Variants in PDE8B observed in about 807,000 individuals in gnomAD.
The protein encoded by PDE8B is high affinity cAMP-specific and IBMX-insensitive 3',5'-cyclic phosphodiesterase 8B.
PDE8B carries 26 observed loss-of-function variants against 101.3 expected under a neutral mutation model. That is an observed-to-expected ratio of 0.26 (90% confidence interval 0.19 to 0.36). PDE8B has a LOEUF of 0.36. Among genes scored for constraint, PDE8B ranks in the 10% least tolerant of loss-of-function variants. The pLI is 1.00. For missense variants in PDE8B, 810 were observed against 1,163.1 expected (o/e 0.70, Z 4.42); for synonymous variants, 424 against 429.3 (o/e 0.99, Z 0.15).
intron 10 of PDE8B, among the ~76,000 whole-genome samples, chr5:77,376,036 G>T (rs1031184500): frequency 6.6e-6 from 1 of 151,916 alleles, no homozygotes; most frequent in African/African-American, 2.4e-5. Context: ...GGGATTACAG[G>T]CATGTGCCAC....
chr5:77,395,331 G>A (rs1228933644), intron 10 of PDE8B, among the ~76,000 whole-genome samples: 1 of 151,150 alleles, frequency 6.6e-6, no homozygotes, highest in African/African-American at 2.4e-5. Flanking sequence ...TAGCCAGGAT[G>A]GTCTCAATCT....
intron 6 of PDE8B, among the ~76,000 whole-genome samples, chr5:77,338,119 A>G (rs1253031888): frequency 6.6e-6 from 1 of 152,228 alleles, no homozygotes; most frequent in Non-Finnish European, 1.5e-5. Context: ...ATGCCAGAAA[A>G]TTCTGTAGCA....
chr5:77,152,931 C>A, the PDE8B span, among the ~76,000 whole-genome samples: 1 of 152,200 alleles, frequency 6.6e-6, no homozygotes, highest in Non-Finnish European at 1.5e-5. Flanking sequence ...AGTGCCTACA[C>A]GTCTGAGTCC....
At chr5:77,398,862 T>G (rs569768157) in intron 10 of PDE8B, among the ~76,000 whole-genome samples, 1 of 152,302 alleles carries the variant, frequency 6.6e-6, no homozygotes, top group South Asian at 2.1e-4. Context: ...TTTCCTCCAT[T>G]TTTTGGTCTC....
At chr5:77,263,235 G>A (rs745326732) in intron 1 of PDE8B, among the ~76,000 whole-genome samples, 1 of 152,320 alleles carries the variant, frequency 6.6e-6, no homozygotes, top group Admixed American at 6.5e-5. Flanking sequence ...ATTTTTGTAA[G>A]AGAATAGGAA....
chr5:77,302,515 C>T (rs922189674), intron 1 of PDE8B, among the ~76,000 whole-genome samples: 1 of 152,174 alleles, frequency 6.6e-6, no homozygotes, highest in Non-Finnish European at 1.5e-5. Flanking sequence ...GCAGCGGGAG[C>T]GGGTGCCTTG....
the PDE8B span, among the ~76,000 whole-genome samples, chr5:77,197,419 G>A: frequency 6.6e-6 from 1 of 151,626 alleles, no homozygotes; most frequent in Non-Finnish European, 1.5e-5. Context: ...ATCTTGCCCA[G>A]CTTTTTTGTT....
the PDE8B span, among the ~76,000 whole-genome samples, chr5:77,201,537 C>T: frequency 6.6e-6 from 1 of 152,084 alleles, no homozygotes; most frequent in Non-Finnish European, 1.5e-5. Context: ...ATTCTGGGTC[C>T]CAGAAAGTGC....
chr5:77,316,317 T>C (rs1773759486), intron 2 of PDE8B, among the ~76,000 whole-genome samples: 1 of 152,202 alleles, frequency 6.6e-6, no homozygotes, highest in Non-Finnish European at 1.5e-5. Context: ...CACTGCAAAC[T>C]CTGCCTCCTG....
At chr5:77,299,378 C>T (rs1003887415) in intron 1 of PDE8B, among the ~76,000 whole-genome samples, 26 of 150,752 alleles carry the variant, frequency 1.7e-4, no homozygotes, top group Non-Finnish European at 2.5e-4. Flanking sequence ...CCCATTAACT[C>T]GTCATTTAGC....
the PDE8B span, among the ~76,000 whole-genome samples, chr5:77,172,350 T>C: frequency 4.9e-4 from 74 of 152,284 alleles, no homozygotes; most frequent in African/African-American, 1.7e-3. Context: ...AAATATGCAA[T>C]TGGGAGTCTT....
the PDE8B span, among the ~76,000 whole-genome samples, chr5:77,172,283 A>G: frequency 4.6e-5 from 7 of 152,340 alleles, no homozygotes; most frequent in Admixed American, 2.6e-4. Flanking sequence ...TAGGCCCACA[A>G]TAAACATTTG....
chr5:77,268,115 A>G (rs1477389663), intron 1 of PDE8B, among the ~76,000 whole-genome samples: 1 of 151,880 alleles, frequency 6.6e-6, no homozygotes, highest in Non-Finnish European at 1.5e-5. Flanking sequence ...GTGAAGGGAT[A>G]GTGACTACCA....
At chr5:77,191,755 G>A in the PDE8B span, among the ~76,000 whole-genome samples, 11 of 152,190 alleles carry the variant, frequency 7.2e-5, no homozygotes, top group South Asian at 6.2e-4. Context: ...GGATTGTTTC[G>A]GGTTGATTCA....
intron 1 of PDE8B, among the ~76,000 whole-genome samples, chr5:77,219,768 G>C (rs771427691): frequency 7.2e-5 from 11 of 152,194 alleles, no homozygotes; most frequent in Non-Finnish European, 1.5e-4. Flanking sequence ...GGAAACAAAA[G>C]CCACCAATAG....
the PDE8B span, among the ~76,000 whole-genome samples, chr5:77,103,283 A>G: frequency 1.3e-5 from 2 of 152,238 alleles, no homozygotes; most frequent in African/African-American, 4.8e-5. Context: ...AATAAATTCA[A>G]GGCCATATTA....
At chr5:77,179,456 G>C in the PDE8B span, among the ~76,000 whole-genome samples, 1 of 152,188 alleles carries the variant, frequency 6.6e-6, no homozygotes, top group Non-Finnish European at 1.5e-5. Flanking sequence ...GAGGAGCCAG[G>C]TATGGGCCAG....
At chr5:77,364,394 G>C (rs149950645) in intron 10 of PDE8B, among the ~76,000 whole-genome samples, 1 of 152,140 alleles carries the variant, frequency 6.6e-6, no homozygotes, top group Non-Finnish European at 1.5e-5. Flanking sequence ...CTGGATCTTC[G>C]CTTCTGTGGT....
chr5:77,322,053 G>T (rs913693478), intron 2 of PDE8B, among the ~76,000 whole-genome samples: 10 of 152,184 alleles, frequency 6.6e-5, no homozygotes, highest in African/African-American at 2.2e-4. Context: ...CCATGGGAAG[G>T]CTTGGGTGAG....
Sources: gnomAD v4.1 joint callset for allele counts (sites outside exome capture counted in the v4.1 genomes callset) on GRCh38, gnomAD v4.1.1 for gene constraint, MANE v1.5 for transcripts, NCBI Gene and HGNC (gene_info 2026-07-23, HGNC 2026-07-21) for gene names.